Variants in POU6F1 observed in about 807,000 individuals in gnomAD.
POU6F1 encodes the protein POU domain, class 6, transcription factor 1.
Under a neutral mutation model 28.9 loss-of-function variants are expected in POU6F1, and 9 were observed. The observed-to-expected ratio is 0.31, with a 90% CI of 0.19 to 0.54. The LOEUF (loss-of-function observed/expected upper bound fraction) is 0.54. Ranked by LOEUF, POU6F1 falls within the 20% of genes least tolerant of loss-of-function variation. The pLI is 0.94. For synonymous variants in POU6F1, 173 were observed against 171.1 expected, an observed-to-expected ratio of 1.01 and a Z score of -0.09; for missense variants, 338 against 426.1, an observed-to-expected ratio of 0.79 and a Z score of 1.82.
intron 10 of POU6F1, among the ~76,000 whole-genome samples, 173 bp downstream of exon 10, chr12:51,191,423 C>G (rs1176643264): frequency 6.6e-6 from 1 of 152,234 alleles, no homozygotes; most frequent in African/African-American, 2.4e-5. Flanking sequence ...ACAGGGTCAG[C>G]CTTTGACTGC....
chr12:51,217,139 C>T lies in POU6F1; in HGVS notation c.-48+503G>A, dbSNP rs1038812635. Among the ~76,000 whole-genome samples the T allele has an allele frequency of 6.6e-6, 1 of 152,198 alleles. No individual in the cohort carries two copies. Among genetic ancestry groups the T allele is most frequent in the Non-Finnish European group, 1.5e-5 (1 of 68,014 alleles). ...CCCACCGGTCGTCCCGGAGTTTGTT[C>T]ATTCGGGAGAACCGTGACAGGTCAC... On this transcript the variant is annotated intron_variant, in intron 1 of 10. Coordinates refer to ENST00000333640, the MANE Select transcript of POU6F1 (RefSeq NM_001330422.2). This position sits in a 1 kb window ranked among gnomAD's most constrained non-coding sequence, Gnocchi z 5.3.
At chr12:51,200,101 G>A (rs1943111846) in intron 3 of POU6F1, among the ~76,000 whole-genome samples, 1 of 152,208 alleles carries the variant, frequency 6.6e-6, no homozygotes, top group African/African-American at 2.4e-5. Context: ...CCAGCTCTGG[G>A]AGGTAGGCCA....
rs1944339027 is a variant in POU6F1, at chr12:51,217,362, C to T, written c.-48+280G>A. On this transcript the variant is annotated intron_variant, in intron 1 of 10. Coordinates refer to ENST00000333640, the MANE Select transcript of POU6F1 (RefSeq NM_001330422.2). This position sits in a 1 kb window ranked among gnomAD's most constrained non-coding sequence, Gnocchi z 5.3. Reference sequence around the variant, plus strand: ...CACCGGGTCCACCTGGCGGCCGCCCCCTCCGCTCCAGGTCCAGAGCGGCCC... The same window carrying T: ...CACCGGGTCCACCTGGCGGCCGCCCTCTCCGCTCCAGGTCCAGAGCGGCCC... Among the ~76,000 whole-genome samples the T allele has an allele frequency of 1.3e-5, 2 of 152,208 alleles. No homozygotes were observed. Among genetic ancestry groups the T allele is most frequent in the Admixed American group, 1.3e-4 (2 of 15,296 alleles).
intron 9 of POU6F1, 75 bp downstream of exon 9, chr12:51,192,254 GC>G: frequency 6.5e-7 from 1 of 1,539,228 alleles, no homozygotes; most frequent in Non-Finnish European, 8.8e-7. Context: ...ATCAAGGAAA[GC>G]AGCATCTGAA....
chr12:51,189,797 GT>G lies in POU6F1; in HGVS notation c.*449del, dbSNP rs1942272642. The G allele has an allele frequency of 5.5e-6, 1 of 180,952 alleles. No homozygotes were observed. The highest frequency in any genetic ancestry group is 1.3e-4 in the East Asian group (1 of 7,694). The allele number at this position is 180,952 out of a possible 1,614,324, so 11.2% of individuals were successfully genotyped here. A position where few individuals can be genotyped will look rare whatever the true frequency, so the allele number is the denominator to read the frequency against. On this transcript the variant is annotated 3_prime_UTR_variant, in exon 11 of 11. Coordinates refer to ENST00000333640, the MANE Select transcript of POU6F1 (RefSeq NM_001330422.2). ...GTGAGGCTGTGTTTCCACTGGATGA[GT>G]TGTCATACCTGCCACACTAACACAG...
At chr12:51,207,191 T>G (rs1177636175) in intron 1 of POU6F1, 1 of 161,278 alleles carries the variant, frequency 6.2e-6, no homozygotes, top group African/African-American at 2.4e-5. Flanking sequence ...GCCAGGCTAA[T>G]TTTTGTATTT....
At chr12:51,207,168 C>T (rs1327324372) in intron 1 of POU6F1, 6 of 179,244 alleles carry the variant, frequency 3.3e-5, no homozygotes, top group Non-Finnish European at 1.2e-5. Context: ...GGATTACAGG[C>T]ATGTGCCACC....
At chr12:51,205,010 C>T (rs979614763) in intron 2 of POU6F1, among the ~76,000 whole-genome samples, 4 of 151,244 alleles carry the variant, frequency 2.6e-5, no homozygotes, top group Non-Finnish European at 5.9e-5. Flanking sequence ...TCCCTCTCTG[C>T]CTGGCACCGC....
rs190687928 is a variant in POU6F1, at chr12:51,196,823, C to A, written c.951G>T (p.Gln317His). 1.9e-6 allele frequency: 3 copies of A among 1,614,042 alleles called. No homozygotes were observed. The African/African-American group carries it at 4.0e-5, about 22-fold the overall frequency. ...AIPSMPGISS[Q>H]ILTNAQGQVI... ...CCTGTCCCTGAGCATTGGTGAGGAT[C>A]TGACTGCTGATCCCTGGCATGCTGG... Residue 317 changes from glutamine to histidine, a missense_variant, in exon 7 of 11, where the codon CAG becomes CAT. By Grantham distance (24) the Gln-to-His change is conservative (BLOSUM62 0). Around this residue, in one of 3 missense-constraint regions of POU6F1, gnomAD observed 206 missense variants for 225.6 expected, o/e 0.91. Coordinates refer to ENST00000333640, the MANE Select transcript of POU6F1 (RefSeq NM_001330422.2).
At position 51,210,727 on chromosome 12, in the gene POU6F1, C is replaced by T. The variant is rs143615701; in HGVS notation, c.-47-3844G>A. Among the ~76,000 whole-genome samples the T allele has an allele frequency of 8.7e-4, 132 of 152,294 alleles. 3 individuals are homozygous for T. In the East Asian group the frequency reaches 0.025, roughly 28 times the overall value. The stretch of plus-strand genomic sequence containing the variant: ...GTCAAGGGCAAAGTCAGTCCTGAGA[C>T]ATAGCCTCTAGCCACACCTAAGCCC... On this transcript the variant is annotated intron_variant, in intron 1 of 10. Transcript: ENST00000333640.
At chr12:51,205,427 C>T (rs1470199459) in intron 2 of POU6F1, among the ~76,000 whole-genome samples, 2 of 152,218 alleles carry the variant, frequency 1.3e-5, no homozygotes, top group Non-Finnish European at 2.9e-5. Context: ...AATCTCCATG[C>T]ATGAGCGATG....
intron 2 of POU6F1, among the ~76,000 whole-genome samples, chr12:51,205,277 T>C (rs2137180991): frequency 6.6e-6 from 1 of 151,934 alleles, no homozygotes; most frequent in African/African-American, 2.4e-5. Context: ...CCTGATCTCG[T>C]GATCCGCCCA....
intron 1 of POU6F1, among the ~76,000 whole-genome samples, chr12:51,210,375 T>C (rs1943912946): frequency 6.6e-6 from 1 of 152,208 alleles, no homozygotes; most frequent in African/African-American, 2.4e-5. Context: ...GCATTATAGC[T>C]TGATACATAC....
intron 1 of POU6F1, among the ~76,000 whole-genome samples, chr12:51,211,667 T>C (rs1943995913): frequency 6.6e-6 from 1 of 152,066 alleles, no homozygotes; most frequent in African/African-American, 2.4e-5. Flanking sequence ...GTAGGAGGAT[T>C]GATTGAGCCC....
intron 9 of POU6F1, 84 bp from the exon 10 acceptor site, chr12:51,191,848 A>G: frequency 6.6e-7 from 1 of 1,525,388 alleles, no homozygotes. Context: ...GAACTGACGC[A>G]GTAGTGAGAG....
Position 51,218,008 on chromosome 12 carries a change from C to T in POU6F1, c.-414G>A, listed in dbSNP as rs1052009456. Among the ~76,000 whole-genome samples, 2 of 151,714 alleles carry T rather than the reference C, an allele frequency of 1.3e-5. No individual in the cohort carries two copies. Among genetic ancestry groups the T allele is most frequent in the African/African-American group, 4.8e-5 (2 of 41,350 alleles). ...CCCTTTTCCCTCCCCCCCTTTTTTC[C>T]CTCCTTCTGCTACTTGGATTTTTTT... On this transcript the variant is annotated 5_prime_UTR_variant, in exon 1 of 11. Coordinates refer to ENST00000333640, the MANE Select transcript of POU6F1 (RefSeq NM_001330422.2).
intron 3 of POU6F1, among the ~76,000 whole-genome samples, chr12:51,200,776 C>T (rs2137152259): frequency 6.6e-6 from 1 of 152,248 alleles, no homozygotes; most frequent in Admixed American, 6.5e-5. Flanking sequence ...CAATCTCTGC[C>T]TCCGGGGCTC....
intron 3 of POU6F1, among the ~76,000 whole-genome samples, chr12:51,200,931 G>T (rs117427833): frequency 3.3e-5 from 5 of 152,108 alleles, no homozygotes; most frequent in Non-Finnish European, 7.4e-5. Flanking sequence ...GACCTCAAGT[G>T]ATGTGCCCGC....
At position 51,190,377 on chromosome 12, in the gene POU6F1, G is replaced by C; in HGVS notation, c.1706C>G (p.Pro569Arg). The change falls in exon 11 of 11, where the codon CCC (proline) becomes CGC (arginine). Residue 569 changes from proline (P) to arginine (R), a missense_variant. This residue lies in a region of POU6F1 where 126 missense variants were observed against 176.5 expected (regional missense o/e 0.71). Coordinates refer to ENST00000333640, the MANE Select transcript of POU6F1 (RefSeq NM_001330422.2). This position sits in a 1 kb window ranked among gnomAD's most constrained non-coding sequence, Gnocchi z 4.5. Reference protein sequence around the residue: ...LNAYFEKNPLPTGQEITEIAK... With the variant: ...LNAYFEKNPLRTGQEITEIAK... ...AATTTCAGTGATCTCCTGGCCTGTG[G>C]GCAGTGGGTTCTTCTCAAAATAGGC... 6.2e-7 allele frequency: 1 copy of C among 1,614,144 alleles called. No individual in the cohort carries two copies. The highest frequency in any genetic ancestry group is 8.5e-7 in the Non-Finnish European group (1 of 1,180,036).
Sources: allele counts gnomAD v4.1 joint callset (sites outside exome capture counted in the v4.1 genomes callset), GRCh38; gene constraint gnomAD v4.1.1; regional missense constraint gnomAD v4.1.1; non-coding constraint Gnocchi (gnomAD v3.1); transcripts MANE v1.5; gene names NCBI Gene and HGNC (gene_info 2026-07-23, HGNC 2026-07-21).